Variants in ART3 observed in about 807,000 individuals in gnomAD.
ART3 encodes the protein ecto-ADP-ribosyltransferase 3.
Under a neutral mutation model 48.5 loss-of-function variants are expected in ART3, and 49 were observed. That is an observed-to-expected ratio of 1.01 (90% CI 0.80 to 1.28). The LOEUF is 1.28. Ranked by LOEUF, ART3 falls within the 50% of genes most tolerant of loss-of-function variation. The pLI, the probability that ART3 is intolerant of heterozygous loss-of-function variation, is 0.00. For missense variants in ART3, 438 were observed against 454.3 expected, an observed-to-expected ratio of 0.96 and a Z score of 0.33; for synonymous variants, 145 against 157.2, an observed-to-expected ratio of 0.92 and a Z score of 0.58.
At chr4:76,112,342 A>G in intron 11 of ART3, 44 bp from the exon 12 acceptor site, 1 of 1,572,004 alleles carries the variant, frequency 6.4e-7, no homozygotes, top group Non-Finnish European at 8.6e-7. Flanking sequence ...ATGATACTTG[A>G]CATAAAAAAT....
intron 1 of ART3, among the ~76,000 whole-genome samples, chr4:76,023,955 A>G (rs1733130693): frequency 6.6e-6 from 1 of 152,230 alleles, no homozygotes; most frequent in Non-Finnish European, 1.5e-5. Context: ...TTACCTGGAC[A>G]GTCCTCCTTG....
At chr4:76,102,041 TTGAGATTCTA>T (rs1273980494) in intron 8 of ART3, among the ~76,000 whole-genome samples, 16 of 148,488 alleles carry the variant, frequency 1.1e-4, no homozygotes, top group African/African-American at 4.2e-4. Flanking sequence ...TTGGCTTTAT[TTGAGATTCTA>T]GAATTGGGCA....
intron 11 of ART3, among the ~76,000 whole-genome samples, chr4:76,111,539 C>T (rs113291951): frequency 1.1e-4 from 14 of 131,132 alleles, no homozygotes; most frequent in African/African-American, 4.5e-4. Context: ...TGTAAAAATA[C>T]AGTTTATTTA....
At chr4:76,105,472 G>A in intron 10 of ART3, 1 of 1,281,116 alleles carries the variant, frequency 7.8e-7, no homozygotes, top group Non-Finnish European at 1.0e-6. Flanking sequence ...TAACATAGTA[G>A]TAAATGGTAG....
chr4:76,023,077 G>A (rs944557310), intron 1 of ART3, among the ~76,000 whole-genome samples: 1 of 152,152 alleles, frequency 6.6e-6, no homozygotes, highest in African/African-American at 2.4e-5. Context: ...AGTTAGGTAA[G>A]GAAGTATCTG....
Position 76,078,576 on chromosome 4 carries a change from G to A in ART3, c.69+2618G>A, listed in dbSNP as rs534323733. Among the ~76,000 whole-genome samples, 23 of 152,264 alleles carry A rather than the reference G, an allele frequency of 1.5e-4. 1 individual carries two copies. In the East Asian group the frequency reaches 4.2e-3, roughly 28 times the overall value. On this transcript the variant is annotated intron_variant, in intron 2 of 11. Coordinates refer to ENST00000355810, the MANE Select transcript of ART3 (RefSeq NM_001130016.3). ...TACGGGGGTCTTAATGACTTCCATG[G>A]CAGAATTCTCTGTGGCTAGTAATCA...
At chr4:76,050,693 A>T (rs13133745) in intron 1 of ART3, among the ~76,000 whole-genome samples, 7 of 151,450 alleles carry the variant, frequency 4.6e-5, no homozygotes, top group Admixed American at 4.6e-4. Context: ...GGGACTGGGC[A>T]CCGTGGAGCA....
At chr4:76,061,615 T>G (rs767276558) in intron 1 of ART3, among the ~76,000 whole-genome samples, 3 of 152,240 alleles carry the variant, frequency 2.0e-5, no homozygotes, top group Non-Finnish European at 4.4e-5. Flanking sequence ...CACAAGGCGC[T>G]CTTTATGATC....
chr4:76,075,905 T>C lies in ART3; in HGVS notation c.16T>C (p.Phe6Leu), dbSNP rs761582129. MKTGH[F>L]EIVTMLLATM... ...GAAGAGAAAAATGAAGACGGGACAT[T>C]TTGAAATAGTCACCATGCTGCTGGC... Residue 6 changes from phenylalanine (F) to leucine (L), a missense_variant, in exon 2 of 12, where the codon TTT becomes CTT. This residue lies in a region of ART3 where 206 missense variants were observed against 205.3 expected (regional missense o/e 1.00). Coordinates refer to ENST00000355810, the MANE Select transcript of ART3 (RefSeq NM_001130016.3). The C allele has an allele frequency of 3.1e-6, 5 of 1,613,110 alleles. No individual in the cohort carries two copies. The East Asian group carries it at 1.1e-4, about 36-fold the overall frequency.
rs550670533 is a variant in ART3, at chr4:76,034,895, A to G, written c.-10+23575A>G. On this transcript the variant is annotated intron_variant, in intron 1 of 9. Coordinates refer to the ART3 transcript ENST00000341029. ...GGACATCTAAAAACATGTAGTAAGA[A>G]GGGGAAGCTGTTACAACCAAGGACC... 4.3e-6 allele frequency: 6 copies of G among 1,406,562 alleles called. No individual in the cohort carries two copies. The East Asian group carries it at 1.1e-4, about 27-fold the overall frequency. The allele number at this position is 1,406,562 out of a possible 1,614,324, so 87.1% of individuals were successfully genotyped here.
intron 1 of ART3, among the ~76,000 whole-genome samples, chr4:76,069,259 T>C (rs945521776): frequency 2.0e-4 from 30 of 151,866 alleles, no homozygotes; most frequent in African/African-American, 7.0e-4. Flanking sequence ...AGAAGCCTAG[T>C]ACGCATTAAC....
chr4:76,070,560 A>G (rs984089756), upstream of ART3, among the ~76,000 whole-genome samples: 3 of 152,170 alleles, frequency 2.0e-5, no homozygotes, highest in African/African-American at 7.2e-5. Flanking sequence ...TACAGTCTTT[A>G]TTCAATCCAA....
At chr4:76,021,953 A>G (rs1360537440) in intron 1 of ART3, 1 of 1,609,512 alleles carries the variant, frequency 6.2e-7, no homozygotes, top group Non-Finnish European at 8.5e-7. Context: ...TTAGACCTGT[A>G]AGAAGAGAAA....
intron 1 of ART3, chr4:76,023,516 G>T: frequency 8.1e-7 from 1 of 1,240,562 alleles, no homozygotes; most frequent in Non-Finnish European, 1.2e-6. Context: ...TGGGGCTAGT[G>T]TGCCATATTT....
intron 1 of ART3, among the ~76,000 whole-genome samples, chr4:76,025,850 G>A (rs1733329075): frequency 1.3e-5 from 2 of 152,190 alleles, no homozygotes; most frequent in African/African-American, 4.8e-5. Context: ...AAGCTGCTAC[G>A]AAGATTTTTT....
chr4:76,032,774 TG>T (rs1733996278), intron 1 of ART3, among the ~76,000 whole-genome samples: 1 of 151,806 alleles, frequency 6.6e-6, no homozygotes, highest in Non-Finnish European at 1.5e-5. Context: ...TAAGTAGAAA[TG>T]GGGTTTCACC....
chr4:76,012,160 C>T (rs1731861060), intron 1 of ART3: 1 of 152,218 alleles, frequency 6.6e-6, no homozygotes, highest in Admixed American at 6.5e-5. Flanking sequence ...AAGTGTGGCC[C>T]AGCCTCCCTC....
chr4:76,029,114 C>T (rs1733660395), intron 1 of ART3, among the ~76,000 whole-genome samples: 2 of 151,930 alleles, frequency 1.3e-5, no homozygotes, highest in South Asian at 2.1e-4. Flanking sequence ...TAGAAAATGT[C>T]TAGTTTTAAT....
chr4:76,053,963 G>A (rs1360723624), intron 1 of ART3, among the ~76,000 whole-genome samples: 1 of 152,164 alleles, frequency 6.6e-6, no homozygotes, highest in African/African-American at 2.4e-5. Context: ...CAATGTAGAC[G>A]TTCATGTTAA....
Sources: allele counts gnomAD v4.1 joint callset (sites outside exome capture counted in the v4.1 genomes callset), GRCh38; gene constraint gnomAD v4.1.1; regional missense constraint gnomAD v4.1.1; transcripts MANE v1.5; gene names NCBI Gene and HGNC (gene_info 2026-07-23, HGNC 2026-07-21).